CERS3: variants seen among roughly 807,000 people sequenced by gnomAD.
The protein encoded by CERS3 is ceramide synthase 3, also known as LAG1 homolog, ceramide synthase 3.
Under a neutral mutation model 50.3 loss-of-function variants are expected in CERS3, and 33 were observed. That is an observed-to-expected ratio of 0.66 (90% CI 0.50 to 0.88). The LOEUF (loss-of-function observed/expected upper bound fraction) is 0.88. Ranked by LOEUF, CERS3 falls within the 40% of genes least tolerant of loss-of-function variation. CERS3 has a pLI of 0.00. For synonymous variants in CERS3, 176 were observed against 155.2 expected (o/e 1.13, Z -0.99); for missense variants, 470 against 460.3 (o/e 1.02, Z -0.19).
chr15:100,483,495 T>C (rs1326830941), intron 5 of CERS3, among the ~76,000 whole-genome samples: 1 of 152,166 alleles, frequency 6.6e-6, no homozygotes, highest in African/African-American at 2.4e-5. Context: ...GCCTGAACTC[T>C]GGAAGAATTT....
chr15:100,517,655 A>T (rs867408171), intron 2 of CERS3, among the ~76,000 whole-genome samples: 38 of 152,218 alleles, frequency 2.5e-4, no homozygotes, highest in Middle Eastern at 3.2e-3. Flanking sequence ...AGCAAGCTCC[A>T]AATTTTAATA....
At chr15:100,532,054 A>C (rs979498504), upstream of CERS3, among the ~76,000 whole-genome samples, 1 of 146,062 alleles carries the variant, frequency 6.8e-6, no homozygotes, top group African/African-American at 2.5e-5. Context: ...AGAGCCACTT[A>C]GGAACTAGAA....
chr15:100,442,107 G>C (rs1337016436), intron 11 of CERS3, among the ~76,000 whole-genome samples: 1 of 152,194 alleles, frequency 6.6e-6, no homozygotes, highest in Non-Finnish European at 1.5e-5. Flanking sequence ...TGGCTGGAGA[G>C]CTAAAGGCAT....
intron 11 of CERS3, among the ~76,000 whole-genome samples, chr15:100,407,357 T>C (rs1011718375): frequency 1.3e-5 from 2 of 152,218 alleles, no homozygotes; most frequent in Non-Finnish European, 2.9e-5. Context: ...GTTGGAACTT[T>C]ATAGCATCTT....
intron 2 of CERS3, among the ~76,000 whole-genome samples, chr15:100,506,895 A>G (rs2036201951): frequency 1.3e-5 from 2 of 152,204 alleles, no homozygotes; most frequent in Non-Finnish European, 2.9e-5. Context: ...TATACTAAAA[A>G]ATATTGCATT....
chr15:100,543,537 T>C (rs1242539771), intron 1 of CERS3, among the ~76,000 whole-genome samples: 3 of 149,394 alleles, frequency 2.0e-5, no homozygotes, highest in African/African-American at 4.9e-5. Context: ...TTCTTTCTTT[T>C]TTTTTTTTTT....
chr15:100,494,614 G>A (rs1461952867), intron 3 of CERS3, among the ~76,000 whole-genome samples: 4 of 152,244 alleles, frequency 2.6e-5, no homozygotes, highest in South Asian at 2.1e-4. Context: ...TTAGCTTAGT[G>A]GTCAGCTAAT....
intron 1 of CERS3, among the ~76,000 whole-genome samples, chr15:100,527,263 C>T (rs942539951): frequency 1.3e-5 from 2 of 152,182 alleles, no homozygotes; most frequent in Non-Finnish European, 2.9e-5. Context: ...TGCCACTGCA[C>T]TGCAGCCTCA....
At chr15:100,463,093 C>T (rs1267231210) in intron 10 of CERS3, among the ~76,000 whole-genome samples, 2 of 152,056 alleles carry the variant, frequency 1.3e-5, no homozygotes, top group Non-Finnish European at 2.9e-5. Flanking sequence ...GAAGGAATGA[C>T]AAAGTAAATG....
At chr15:100,455,772 A>G in intron 11 of CERS3, 121 bp downstream of exon 11, 1 of 687,360 alleles carries the variant, frequency 1.5e-6, no homozygotes, top group African/African-American at 1.9e-5. Context: ...ATCAAAAATA[A>G]TAAAATCAAG....
intron 11 of CERS3, among the ~76,000 whole-genome samples, chr15:100,438,639 A>G: frequency 6.6e-6 from 1 of 152,208 alleles, no homozygotes; most frequent in East Asian, 1.9e-4. Flanking sequence ...CATGTTTGTT[A>G]GCATGTTCCT....
intron 3 of CERS3, among the ~76,000 whole-genome samples, chr15:100,497,368 A>G (rs60898936): frequency 6.6e-6 from 1 of 151,912 alleles, no homozygotes; most frequent in Non-Finnish European, 1.5e-5. Flanking sequence ...AGAAAAATAC[A>G]TATATATATG....
intron 2 of CERS3, among the ~76,000 whole-genome samples, chr15:100,510,154 T>G (rs944568151): frequency 3.9e-5 from 6 of 152,122 alleles, no homozygotes; most frequent in African/African-American, 7.2e-5. Context: ...TTTAAAATTG[T>G]ACCATTTCAC....
chr15:100,428,511 G>A (rs949012621), intron 11 of CERS3, among the ~76,000 whole-genome samples: 2 of 152,194 alleles, frequency 1.3e-5, no homozygotes, highest in African/African-American at 4.8e-5. Flanking sequence ...TGCCCATTGT[G>A]GGACGTCTAG....
intron 11 of CERS3, among the ~76,000 whole-genome samples, chr15:100,405,074 G>GA (rs1338754172): frequency 1.3e-5 from 2 of 151,848 alleles, no homozygotes; most frequent in Admixed American, 6.6e-5. Flanking sequence ...AAACATGAAA[G>GA]AAAAAACTGG....
chr15:100,535,269 T>C (rs2037042195), intron 1 of CERS3, among the ~76,000 whole-genome samples: 1 of 152,256 alleles, frequency 6.6e-6, no homozygotes, highest in Non-Finnish European at 1.5e-5. Context: ...TCCACTTAAA[T>C]TTTGAGTACA....
chr15:100,536,488 T>C (rs1415751300), intron 1 of CERS3, among the ~76,000 whole-genome samples: 1 of 152,186 alleles, frequency 6.6e-6, no homozygotes, highest in Non-Finnish European at 1.5e-5. Context: ...TTTCACCATG[T>C]TGCCCAGGCT....
chr15:100,406,336 A>T (rs754476488), intron 11 of CERS3, among the ~76,000 whole-genome samples: 5 of 152,184 alleles, frequency 3.3e-5, no homozygotes, highest in Non-Finnish European at 7.3e-5. Flanking sequence ...GACATCCATA[A>T]CTGTACAACT....
chr15:100,464,408 G>A (rs2034648673), intron 10 of CERS3, among the ~76,000 whole-genome samples: 1 of 152,150 alleles, frequency 6.6e-6, no homozygotes, highest in Admixed American at 6.5e-5. Context: ...CAGCTGTGAT[G>A]AATTCAAGAA....
Sources: allele counts gnomAD v4.1 joint callset (sites outside exome capture counted in the v4.1 genomes callset), GRCh38; gene constraint gnomAD v4.1.1; transcripts MANE v1.5; gene names NCBI Gene and HGNC (gene_info 2026-07-23, HGNC 2026-07-21).